The following SMTN variants were observed in gnomAD, a reference collection of about 807,000 sequenced individuals.
The protein encoded by SMTN is smoothelin.
Under a neutral mutation model 102.0 loss-of-function variants are expected in SMTN, and 58 were observed. That is an observed-to-expected ratio of 0.57 (90% CI 0.46 to 0.71). The LOEUF is 0.71. SMTN is among the 30% of genes least tolerant of loss of function. SMTN has a pLI of 0.00. For missense variants in SMTN, 1,185 were observed against 1,241.7 expected, an observed-to-expected ratio of 0.95 and a Z score of 0.69; for synonymous variants, 478 against 497.9, an observed-to-expected ratio of 0.96 and a Z score of 0.53.
chr22:31,099,986 C>A, intron 19 of SMTN, 90 bp downstream of exon 19: 1 of 1,316,070 alleles, frequency 7.6e-7, no homozygotes, highest in Non-Finnish European at 1.0e-6. Flanking sequence ...ACCCCTGGAG[C>A]GGGCCAGCCA....
At position 31,104,420 on chromosome 22, in the gene SMTN, A is replaced by G; in HGVS notation, c.*125A>G. 2 of 1,614,094 alleles carry G rather than the reference A, an allele frequency of 1.2e-6. No homozygotes were observed. The highest frequency in any genetic ancestry group is 2.2e-5 in the East Asian group (1 of 44,868). ...TTCACCTATGTGCAGTCGCTCTACA[A>G]CCACCTGCGACGCCACGAACTGCGC... On this transcript the variant is annotated 3_prime_UTR_variant, in exon 21 of 21. Coordinates refer to ENST00000333137, the MANE Select transcript of SMTN (RefSeq NM_134269.3).
chr22:31,082,852 G>A, intron 1 of SMTN: 3 of 1,526,282 alleles, frequency 2.0e-6, no homozygotes, highest in Non-Finnish European at 1.8e-6. Flanking sequence ...GCACAGCTTG[G>A]GTGGGTCTTG....
intron 11 of SMTN, chr22:31,093,762 C>T (rs371481141): frequency 2.5e-5 from 39 of 1,582,646 alleles, no homozygotes; most frequent in Admixed American, 2.0e-4. Flanking sequence ...TGGCTGCCGC[C>T]GACCCCGAGG....
chr22:31,069,703 A>G (rs1191732619), intron 1 of SMTN, among the ~76,000 whole-genome samples: 1 of 152,180 alleles, frequency 6.6e-6, no homozygotes, highest in Non-Finnish European at 1.5e-5. Flanking sequence ...ACAGGCACAG[A>G]TTGAGCACCT....
At chr22:31,090,283 T>C in intron 8 of SMTN, 103 bp downstream of exon 8, 3 of 904,322 alleles carry the variant, frequency 3.3e-6, no homozygotes, top group South Asian at 3.4e-5. Context: ...AGCTCTAGCT[T>C]CCTCAGGTCC....
chr22:31,065,371 T>G (rs1188685865), intron 1 of SMTN: 1 of 152,090 alleles, frequency 6.6e-6, no homozygotes, highest in African/African-American at 2.4e-5. Flanking sequence ...TTTTTTGAAA[T>G]GAAATCTCCT....
Position 31,100,874 on chromosome 22 carries a change from A to T in SMTN, c.2604-11A>T. 1.7e-6 allele frequency: 2 copies of T among 1,152,754 alleles called. No homozygotes were observed. The highest frequency in any genetic ancestry group is 2.1e-5 in the South Asian group (1 of 46,620). 71.4% of individuals were successfully genotyped at this position (1,152,754 alleles called of 1,614,324 possible). On this transcript the variant is annotated splice_polypyrimidine_tract_variant and intron_variant, in intron 19 of 20. Coordinates refer to ENST00000333137, the MANE Select transcript of SMTN (RefSeq NM_134269.3). ...GTCCCCCACCCCTTCCCGGCCCCCT[A>T]CCCTCCCCAGGACCCATGCGGACTG...
At chr22:31,088,818 G>C in intron 5 of SMTN, 41 bp downstream of exon 5, 1 of 1,608,850 alleles carries the variant, frequency 6.2e-7, no homozygotes, top group Non-Finnish European at 8.5e-7. Flanking sequence ...CCTGCTGTCT[G>C]CTGTCCACAG....
intron 3 of SMTN, 153 bp from the exon 4 acceptor site, chr22:31,088,360 G>T: frequency 1.3e-6 from 1 of 783,498 alleles, no homozygotes; most frequent in East Asian, 2.5e-5. Context: ...CACGTCCATG[G>T]GCATATGTGT....
chr22:31,070,936 A>G (rs900387198), intron 1 of SMTN, among the ~76,000 whole-genome samples: 17 of 151,598 alleles, frequency 1.1e-4, no homozygotes, highest in African/African-American at 3.6e-4. Flanking sequence ...AAAAAAAAAA[A>G]AAAAAGAAAA....
At chr22:31,085,710 G>C (rs190718420) in intron 2 of SMTN, among the ~76,000 whole-genome samples, 76 of 152,316 alleles carry the variant, frequency 5.0e-4, no homozygotes, top group East Asian at 4.5e-3. Context: ...GGTGGAACTC[G>C]GGACACACAG....
At chr22:31,104,164 A>G (rs562442292) in intron 20 of SMTN, 152 bp from the exon 21 acceptor site, 9 of 856,742 alleles carry the variant, frequency 1.1e-5, no homozygotes, top group African/African-American at 1.0e-4. Flanking sequence ...AGATGAAGCC[A>G]GGGGCTTCCT....
Position 31,099,141 on chromosome 22 carries a change from C to T in SMTN, c.2413C>T (p.Leu805=), listed in dbSNP as rs1239521828. Residue 805 remains leucine, a synonymous_variant, in exon 18 of 21, where the codon CTG becomes TTG. Transcript: ENST00000333137. ...VPNANSIKQM[L]LDWCRAKTRG... ...CAACGCCAACAGCATCAAGCAGATG[C>T]TGCTGGACTGGTGTCGAGCCAAGAC... The T allele has an allele frequency of 1.2e-6, 2 of 1,613,198 alleles. No homozygotes were observed. Among genetic ancestry groups the T allele is most frequent in the Non-Finnish European group, 1.7e-6 (2 of 1,179,970 alleles).
chr22:31,097,387 G>A, intron 16 of SMTN, 49 bp downstream of exon 16: 1 of 1,540,932 alleles, frequency 6.5e-7, no homozygotes, highest in Non-Finnish European at 9.0e-7. Flanking sequence ...AGTGCCACAG[G>A]GGACCTAACT....
intron 1 of SMTN, among the ~76,000 whole-genome samples, chr22:31,071,419 G>T: frequency 6.6e-6 from 1 of 152,058 alleles, no homozygotes; most frequent in South Asian, 2.1e-4. Flanking sequence ...GATTGCTTGA[G>T]CCCAGGAGTT....
At chr22:31,097,427 G>C in intron 16 of SMTN, 89 bp downstream of exon 16, 1 of 1,193,908 alleles carries the variant, frequency 8.4e-7, no homozygotes, top group South Asian at 1.2e-5. Flanking sequence ...GGGTGGGCTG[G>C]GCACAGTGGC....
intron 6 of SMTN, 112 bp downstream of exon 6, chr22:31,089,081 C>A: frequency 1.2e-6 from 1 of 824,690 alleles, no homozygotes; most frequent in Non-Finnish European, 1.9e-6. Flanking sequence ...CCCACCCCTG[C>A]CATCCAGCCT....
At chr22:31,066,295 T>C (rs2147448626) in intron 1 of SMTN, 1 of 152,024 alleles carries the variant, frequency 6.6e-6, no homozygotes, top group African/African-American at 2.4e-5. Context: ...TTGAACCCCA[T>C]AGAATATTTT....
rs558155379 is a variant in SMTN, at chr22:31,093,727, G to C, written c.1633-1576G>C. 2.6e-5 allele frequency: 34 copies of C among 1,331,836 alleles called. No homozygotes were observed. In the South Asian group the frequency reaches 3.8e-4, roughly 15 times the overall value. 82.5% of individuals were successfully genotyped at this position (1,331,836 alleles called of 1,614,324 possible). A position where few individuals can be genotyped will look rare whatever the true frequency, so the allele number is the denominator to read the frequency against. On this transcript the variant is annotated intron_variant, in intron 11 of 20. Coordinates refer to ENST00000333137, the MANE Select transcript of SMTN (RefSeq NM_134269.3). ...CCCACTTGTGTCCGGCCTTGAGCCT[G>C]AGCTGGAGCCCAGCGAGCTGCTCCT...
Sources: gnomAD v4.1 joint callset for allele counts (sites outside exome capture counted in the v4.1 genomes callset) on GRCh38, gnomAD v4.1.1 for gene constraint, MANE v1.5 for transcripts, NCBI Gene and HGNC (gene_info 2026-07-23, HGNC 2026-07-21) for gene names.